C14orf93: variants seen among roughly 807,000 people sequenced by gnomAD.
C14orf93 encodes the protein chromosome 14 open reading frame 93, also known as uncharacterized protein C14orf93.
Under a neutral mutation model 44.0 loss-of-function variants are expected in C14orf93, and 23 were observed. The observed-to-expected ratio is 0.52, with a 90% CI of 0.38 to 0.74. The LOEUF is 0.74. C14orf93 is among the 30% of genes least tolerant of loss of function. C14orf93 has a pLI of 0.00. For missense variants in C14orf93, 579 were observed against 678.9 expected, an observed-to-expected ratio of 0.85 and a Z score of 1.64; for synonymous variants, 253 against 265.7, an observed-to-expected ratio of 0.95 and a Z score of 0.46.
chr14:23,008,225 G>C (rs1397816716), intron 1 of C14orf93, among the ~76,000 whole-genome samples: 1 of 147,208 alleles, frequency 6.8e-6, no homozygotes, highest in African/African-American at 2.5e-5. Context: ...AATGTGACTA[G>C]ATTTCAAAGA....
At chr14:22,989,616 T>G in intron 5 of C14orf93, 126 bp downstream of exon 5, 1 of 689,234 alleles carries the variant, frequency 1.5e-6, no homozygotes, top group Non-Finnish European at 2.5e-6. Context: ...CAAAAAATGT[T>G]TCAAATCCAC....
At chr14:23,005,107 T>C (rs188035805) in intron 1 of C14orf93, 1 of 151,776 alleles carries the variant, frequency 6.6e-6, no homozygotes, top group Non-Finnish European at 1.5e-5. Flanking sequence ...TGTATAGGAT[T>C]AACTGATAGG....
chr14:22,987,761 C>A lies in C14orf93; in HGVS notation c.1198-127G>T. On this transcript the variant is annotated intron_variant, in intron 6 of 6. Transcript: ENST00000299088. The surrounding 1 kb of genome is among the most constrained non-coding windows in gnomAD (Gnocchi z 5.6). ...AGTGAACCCAGTCCCCAAGTCAGATCTTAGCATTGGCTCACTGTTCTTCTC... is the reference window on the plus strand; with the variant it reads ...AGTGAACCCAGTCCCCAAGTCAGATATTAGCATTGGCTCACTGTTCTTCTC... 1 of 1,228,542 alleles carries A rather than the reference C, an allele frequency of 8.1e-7. No individual in the cohort carries two copies. The highest frequency in any genetic ancestry group is 1.1e-6 in the Non-Finnish European group (1 of 879,644). The allele number at this position is 1,228,542 out of a possible 1,614,324, so 76.1% of individuals were successfully genotyped here. A position where few individuals can be genotyped will look rare whatever the true frequency, so the allele number is the denominator to read the frequency against.
Position 22,989,737 on chromosome 14 carries a change from C to G in C14orf93, c.1084+5G>C, listed in dbSNP as rs774548655. 6.9e-6 allele frequency: 11 copies of G among 1,605,404 alleles called. No homozygotes were observed. The South Asian group carries it at 1.2e-4, about 18-fold the overall frequency. ...TGGCATAGGAGTTAAACCAGTTTTTCTCACCTTTTAGCTCCTTATCAGTGT... is the reference window on the plus strand; with the variant it reads ...TGGCATAGGAGTTAAACCAGTTTTTGTCACCTTTTAGCTCCTTATCAGTGT... On this transcript the variant is annotated splice_donor_5th_base_variant and intron_variant, in intron 5 of 6. Coordinates refer to ENST00000299088, the MANE Select transcript of C14orf93 (RefSeq NM_021944.4).
At chr14:22,993,603 C>G (rs1375078769) in intron 3 of C14orf93, among the ~76,000 whole-genome samples, 1 of 152,184 alleles carries the variant, frequency 6.6e-6, no homozygotes, top group Non-Finnish European at 1.5e-5. Context: ...GCTTCCAACT[C>G]AAGTGGCTTG....
intron 3 of C14orf93, among the ~76,000 whole-genome samples, chr14:22,993,087 C>T (rs2045761059): frequency 6.6e-6 from 1 of 152,234 alleles, no homozygotes; most frequent in Non-Finnish European, 1.5e-5. Flanking sequence ...ACCATGTTGG[C>T]CAGGCTAGTC....
Position 22,998,522 on chromosome 14 carries a change from C to T in C14orf93, c.502G>A (p.Gly168Arg). The T allele has an allele frequency of 6.2e-7, 1 of 1,613,686 alleles. No homozygotes were observed. Among genetic ancestry groups the T allele is most frequent in the Non-Finnish European group, 8.5e-7 (1 of 1,179,942 alleles). ...GCTGGGAAGCCCAAAGGCCCAGGCCCCACTGAGGCTGCTCCCAGCTGCCGC... is the reference window on the plus strand; with the variant it reads ...GCTGGGAAGCCCAAAGGCCCAGGCCTCACTGAGGCTGCTCCCAGCTGCCGC... ...ELRQLGAASVGPGPLGFPATQ... is the reference protein window; with the variant it reads ...ELRQLGAASVRPGPLGFPATQ... Residue 168 changes from glycine (G) to arginine (R), a missense_variant, in exon 2 of 7, where the codon GGG (glycine) becomes AGG (arginine). Gly to Arg is a moderately radical substitution (Grantham distance 125). Coordinates refer to ENST00000299088, the MANE Select transcript of C14orf93 (RefSeq NM_021944.4).
At position 23,002,148 on chromosome 14, in the gene C14orf93, C is replaced by CAAAA. The variant is rs74577400; in HGVS notation, c.-379-2750_-379-2747dup. Among the ~76,000 whole-genome samples, 186 of 62,094 alleles carry CAAAA rather than the reference C, an allele frequency of 3.0e-3. 1 individual carries two copies. The highest frequency in any genetic ancestry group is 9.4e-3 in the African/African-American group (178 of 18,940). The allele number at this position is 62,094 out of a possible 152,430, so 40.7% of individuals were successfully genotyped here. A position where few individuals can be genotyped will look rare whatever the true frequency, so the allele number is the denominator to read the frequency against. On this transcript the variant is annotated intron_variant, in intron 1 of 6. Transcript: ENST00000299088. ...TGGGCGACAGAGCGAGATTCCGTCTCAAAAAAAAAAAAAAAAGGGTGGCCG... is the reference window on the plus strand; with the variant it reads ...TGGGCGACAGAGCGAGATTCCGTCTCAAAAAAAAAAAAAAAAAAAAGGGTGGCCG...
chr14:22,988,114 G>C, intron 5 of C14orf93, 99 bp from the exon 6 acceptor site: 1 of 763,036 alleles, frequency 1.3e-6, no homozygotes, highest in Non-Finnish European at 2.2e-6. Context: ...GGAGGTTGGC[G>C]ATCACTACTT....
intron 3 of C14orf93, among the ~76,000 whole-genome samples, chr14:22,991,511 C>T (rs1038272434): frequency 6.7e-5 from 10 of 149,938 alleles, no homozygotes; most frequent in African/African-American, 2.2e-4. Context: ...CCAAAGTGTG[C>T]TGGGATTACA....
In C14orf93 at chr14:22,987,500, A is replaced by C. The variant is rs1198610597; in HGVS notation, c.1332T>G (p.Pro444=). The part of the protein sequence containing the change: ...LNEPGVWVAR[P]PRFRAQRLTE... ...TGAGGCGCTGGGCCCGGAAACGGGG[A>C]GGGCGGGCCACCCACACACCTGGCT... Residue 444 remains proline (P), a synonymous_variant, in exon 7 of 7, where the codon CCT becomes CCG. Coordinates refer to ENST00000299088, the MANE Select transcript of C14orf93 (RefSeq NM_021944.4). This position sits in a 1 kb window ranked among gnomAD's most constrained non-coding sequence, Gnocchi z 5.6. 4 of 1,614,096 alleles carry C rather than the reference A, an allele frequency of 2.5e-6. No individual in the cohort carries two copies. Among genetic ancestry groups the C allele is most frequent in the Non-Finnish European group, 3.4e-6 (4 of 1,180,042 alleles).
intron 3 of C14orf93, among the ~76,000 whole-genome samples, chr14:22,995,094 C>G (rs2139563025): frequency 6.6e-6 from 1 of 152,292 alleles, no homozygotes; most frequent in East Asian, 1.9e-4. Flanking sequence ...CTTTGGGCTC[C>G]CAGCCACGCC....
At chr14:23,007,910 T>A (rs906269431) in intron 1 of C14orf93, among the ~76,000 whole-genome samples, 1 of 151,956 alleles carries the variant, frequency 6.6e-6, no homozygotes, top group African/African-American at 2.4e-5. Context: ...CCCAGCACTT[T>A]GAGAGGCAGA....
intron 3 of C14orf93, among the ~76,000 whole-genome samples, chr14:22,995,290 C>T (rs1423434844): frequency 1.3e-5 from 2 of 152,236 alleles, no homozygotes; most frequent in Admixed American, 1.3e-4. Flanking sequence ...TTGTCACTTA[C>T]TCTGCACACT....
chr14:22,987,662 A>C lies in C14orf93; in HGVS notation c.1198-28T>G, dbSNP rs1279887061. ...AAGGCAGGAACCCAGGAGATAGATT[A>C]GGAAGGTAAACATTCTATGGATTAG... On this transcript the variant is annotated intron_variant, in intron 6 of 6. Coordinates refer to ENST00000299088, the MANE Select transcript of C14orf93 (RefSeq NM_021944.4). The surrounding 1 kb of genome is among the most constrained non-coding windows in gnomAD (Gnocchi z 5.6). 1.3e-6 allele frequency: 2 copies of C among 1,544,390 alleles called. No individual in the cohort carries two copies. Among genetic ancestry groups the C allele is most frequent in the African/African-American group, 2.8e-5 (2 of 72,668 alleles).
At chr14:22,997,660 A>C (rs1035968897) in intron 2 of C14orf93, among the ~76,000 whole-genome samples, 2 of 152,126 alleles carry the variant, frequency 1.3e-5, no homozygotes, top group African/African-American at 4.8e-5. Context: ...CACAATGTAC[A>C]TCTATGTCTT....
chr14:22,996,168 C>T lies in C14orf93; in HGVS notation c.698G>A (p.Arg233Gln), dbSNP rs745634755. The T allele has an allele frequency of 1.1e-5, 17 of 1,613,640 alleles. No homozygotes were observed. Among genetic ancestry groups the T allele is most frequent in the African/African-American group, 8.0e-5 (6 of 74,872 alleles). ...LSPATQLAIQ[R>Q]ATPETGPENG... ...TTCTGGTCCTGTCTCTGGGGTTGCC[C>T]GCTGGATTGCCAGTTGTGTGGCTGG... is the stretch of plus-strand genomic sequence containing the variant. Residue 233 changes from arginine (R) to glutamine (Q), a missense_variant, in exon 3 of 7, where the codon CGG becomes CAG. By Grantham distance (43) the Arg-to-Gln change is conservative. Transcript: ENST00000299088. The surrounding 1 kb of genome is among the most constrained non-coding windows in gnomAD (Gnocchi z 4.1).
chr14:23,007,484 T>TA (rs1315089751), intron 1 of C14orf93, among the ~76,000 whole-genome samples: 1 of 152,230 alleles, frequency 6.6e-6, no homozygotes, highest in Non-Finnish European at 1.5e-5. Context: ...TGGCCTCGGT[T>TA]ACATTTCTTT....
At chr14:23,003,900 T>TATATA (rs2046481278) in intron 1 of C14orf93, among the ~76,000 whole-genome samples, 1 of 25,602 alleles carries the variant, frequency 3.9e-5, no homozygotes, top group Non-Finnish European at 6.6e-5. Flanking sequence ...ATATATATAT[T>TATATA]TTTTTTTTTT....
Sources: allele counts gnomAD v4.1 joint callset (sites outside exome capture counted in the v4.1 genomes callset), GRCh38; gene constraint gnomAD v4.1.1; non-coding constraint Gnocchi (gnomAD v3.1); transcripts MANE v1.5; gene names NCBI Gene and HGNC (gene_info 2026-07-23, HGNC 2026-07-21).